Variants in DCP2 observed in about 807,000 individuals in gnomAD.
DCP2 encodes m7GpppN-mRNA hydrolase.
DCP2 carries 30 observed loss-of-function variants against 56.1 expected under a neutral mutation model. The ratio of observed to expected loss-of-function variants is 0.53; its 90% CI spans 0.40 to 0.73. The LOEUF (loss-of-function observed/expected upper bound fraction) is 0.73, where lower values mean the gene tolerates loss of function less well. DCP2 is among the 30% of genes least tolerant of loss of function. DCP2 has a pLI of 0.00. For missense variants in DCP2, 533 were observed against 502.7 expected (o/e 1.06, Z -0.58); for synonymous variants, 197 against 163.3 (o/e 1.21, Z -1.57).
At chr5:112,992,056 C>G in intron 2 of DCP2, 65 bp from the exon 3 acceptor site, 1 of 1,576,404 alleles carries the variant, frequency 6.3e-7, no homozygotes, top group South Asian at 1.2e-5. Context: ...AAATGGGTCT[C>G]TTTCTGTATA....
chr5:112,987,947 C>T lies in DCP2; in HGVS notation c.205+1961C>T, dbSNP rs764427474. Among the ~76,000 whole-genome samples the T allele has an allele frequency of 2.5e-4, 38 of 152,142 alleles. 1 individual carries two copies. Among genetic ancestry groups the T allele is most frequent in the African/African-American group, 8.7e-4 (36 of 41,536 alleles). On this transcript the variant is annotated intron_variant, in intron 2 of 10. Transcript: ENST00000389063. ...GCCAGGTTATTGTTTTTGACCATGA[C>T]GTGTATGTTTAATGGATTTGTACCC...
intron 1 of DCP2, chr5:112,984,073 A>G (rs969667664): frequency 3.9e-5 from 6 of 152,254 alleles, no homozygotes; most frequent in Admixed American, 2.0e-4. Flanking sequence ...GGCACAGGGA[A>G]CTATAGGATG....
intron 4 of DCP2, 48 bp from the exon 5 acceptor site, chr5:113,001,036 A>G: frequency 6.6e-7 from 1 of 1,524,896 alleles, no homozygotes; most frequent in Non-Finnish European, 8.8e-7. Flanking sequence ...AATGAACTAG[A>G]GGCCTAAGAA....
intron 1 of DCP2, chr5:112,984,703 A>AAAAAT: frequency 1.5e-5 from 1 of 64,852 alleles, no homozygotes; most frequent in African/African-American, 7.9e-5. Context: ...AAAAAAAAAA[A>AAAAAT]ATATATATAT....
intron 7 of DCP2, among the ~76,000 whole-genome samples, chr5:113,003,063 T>A (rs1362304452): frequency 6.6e-6 from 1 of 152,208 alleles, no homozygotes; most frequent in Non-Finnish European, 1.5e-5. Context: ...ATTTCTTAAA[T>A]CAGTAGCATT....
In DCP2 at chr5:113,009,856, C is replaced by T. The variant is rs185122377; in HGVS notation, c.1048-900C>T. Among the ~76,000 whole-genome samples the T allele has an allele frequency of 5.0e-4, 76 of 151,622 alleles. 2 individuals carry two copies. The East Asian group carries it at 0.013, about 25-fold the overall frequency. On this transcript the variant is annotated intron_variant, in intron 9 of 10. Coordinates refer to ENST00000389063, the MANE Select transcript of DCP2 (RefSeq NM_152624.6). ...GTTAACACACATCTTCATAGGAAAT[C>T]AGCTAGAAAAATATAATACTAATTA...
At chr5:112,988,493 A>AT (rs1443744530) in intron 2 of DCP2, among the ~76,000 whole-genome samples, 2 of 126,240 alleles carry the variant, frequency 1.6e-5, no homozygotes, top group East Asian at 2.7e-4. Context: ...CTGTGTCTTA[A>AT]TAAAAAAAAA....
intron 4 of DCP2, among the ~76,000 whole-genome samples, chr5:112,997,613 C>CT (rs555386404): frequency 0.01 from 1,411 of 140,822 alleles, 18 homozygotes; most frequent in African/African-American, 0.029. Context: ...TTTTCTTTTT[C>CT]TTTTTTTTTT....
rs1398389551 is a variant in DCP2, at chr5:113,004,090, C to G, written c.942+13C>G. ...TTTAAAAGGAAAGGTGAGTGATACA[C>G]AATTACAGTCTTTTCAGAAATTTAG... is the stretch of plus-strand genomic sequence containing the variant. On this transcript the variant is annotated intron_variant, in intron 8 of 10. Coordinates refer to ENST00000389063, the MANE Select transcript of DCP2 (RefSeq NM_152624.6). 1.2e-6 allele frequency: 2 copies of G among 1,600,294 alleles called. No individual in the cohort carries two copies. Among genetic ancestry groups the G allele is most frequent in the Non-Finnish European group, 8.5e-7 (1 of 1,176,050 alleles).
intron 2 of DCP2, among the ~76,000 whole-genome samples, chr5:112,991,278 G>A (rs942681255): frequency 5.9e-5 from 9 of 152,120 alleles, no homozygotes; most frequent in Non-Finnish European, 1.2e-4. Flanking sequence ...CTCATTTTGA[G>A]AGATACTATC....
At chr5:112,997,711 T>G (rs1748931254) in intron 4 of DCP2, among the ~76,000 whole-genome samples, 1 of 151,468 alleles carries the variant, frequency 6.6e-6, no homozygotes, top group Non-Finnish European at 1.5e-5. Flanking sequence ...GCCTCCCGGG[T>G]TCAAGTGATT....
At position 113,021,437 on chromosome 5, in the gene DCP2, C is replaced by T. The variant is rs1750126744; in HGVS notation, c.*7953C>T. Among the ~76,000 whole-genome samples, 2 of 147,338 alleles carry T rather than the reference C, an allele frequency of 1.4e-5. No homozygotes were observed. The highest frequency in any genetic ancestry group is 3.0e-5 in the Non-Finnish European group (2 of 67,018). ...GAAGAAATATTGTCGAGAGTCTCTGCAAAAATGAAAATACCTCAAACAATT... is the reference window on the plus strand; with the variant it reads ...GAAGAAATATTGTCGAGAGTCTCTGTAAAAATGAAAATACCTCAAACAATT... On this transcript the variant is annotated 3_prime_UTR_variant, in exon 11 of 11. Transcript: ENST00000389063.
At chr5:113,000,992 CTTT>C in intron 4 of DCP2, 89 bp from the exon 5 acceptor site, 4 of 1,258,190 alleles carry the variant, frequency 3.2e-6, no homozygotes, top group Non-Finnish European at 4.4e-6. Context: ...GTCATGTCCC[CTTT>C]TTCTGAGTTT....
In DCP2 at chr5:112,981,491, C is replaced by T. The variant is rs187052318; in HGVS notation, c.54-4344C>T. 2.4e-3 allele frequency among the ~76,000 whole-genome samples: 364 copies of T among 152,118 alleles called. 1 individual carries two copies. Among genetic ancestry groups the T allele is most frequent in the Non-Finnish European group, 3.5e-3 (239 of 68,010 alleles). ...ATTTATATTCTATTTTGTAAATCTA[C>T]GTCTGTTATATTTTGTGCTATTTGT... is the stretch of plus-strand genomic sequence containing the variant. On this transcript the variant is annotated intron_variant, in intron 1 of 10. Transcript: ENST00000389063.
chr5:113,007,099 C>G (rs895973223), intron 8 of DCP2, among the ~76,000 whole-genome samples: 2 of 151,722 alleles, frequency 1.3e-5, no homozygotes, highest in Admixed American at 1.3e-4. Flanking sequence ...GCACTGTGCT[C>G]CGGCCTGGGC....
At position 113,020,672 on chromosome 5, in the gene DCP2, A is replaced by T. The variant is rs567881176; in HGVS notation, c.*7188A>T. On this transcript the variant is annotated 3_prime_UTR_variant, in exon 11 of 11. Coordinates refer to ENST00000389063, the MANE Select transcript of DCP2 (RefSeq NM_152624.6). Reference sequence around the variant, plus strand: ...GATTCATGTTTGTGAATTGGAGTTTAAATGTTTGCAGGATTACTGTACTTC... The same window carrying T: ...GATTCATGTTTGTGAATTGGAGTTTTAATGTTTGCAGGATTACTGTACTTC... 3 of 152,320 alleles carry T rather than the reference A, an allele frequency of 2.0e-5. No individual in the cohort carries two copies. Among genetic ancestry groups the T allele is most frequent in the South Asian group, 4.2e-4 (2 of 4,816 alleles). 9.4% of individuals were successfully genotyped at this position (152,320 alleles called of 1,614,324 possible).
At position 112,992,244 on chromosome 5, in the gene DCP2, A is replaced by T. The variant is rs773936813; in HGVS notation, c.329A>T (p.Glu110Val). 1 of 1,610,216 alleles carries T rather than the reference A, an allele frequency of 6.2e-7. No homozygotes were observed. Among genetic ancestry groups the T allele is most frequent in the South Asian group, 1.1e-5 (1 of 89,802 alleles). Residue 110 changes from glutamate (E) to valine (V), a missense_variant, in exon 3 of 11, where the codon GAA becomes GTA. Glu to Val is a moderately radical substitution (Grantham distance 121). Around this residue, in one of 3 missense-constraint regions of DCP2, gnomAD observed 137 missense variants for 138.2 expected, o/e 0.99. Transcript: ENST00000389063. The stretch of plus-strand genomic sequence containing the variant: ...GCAATTATTCTTGATGAGACACTTG[A>T]AAATGTGAGTGTAATGAAATAAAGA... ...YGAIILDETL[E>V]NVLLVQGYLA...
rs1241481566 is a variant in DCP2 at position 113,001,092 on chromosome 5, A to G, written c.441A>G (p.Glu147=). ...PHDCAAREVF[E]ETGFDIKDYI... ...AAATTTGTTGTTTCCAGGTCTTTGA[A>G]GAAACTGGTTTTGATATCAAAGACT... The change falls in exon 5 of 11, where the codon GAA becomes GAG. Residue 147 remains glutamate, a synonymous_variant. Coordinates refer to ENST00000389063, the MANE Select transcript of DCP2 (RefSeq NM_152624.6). 1 of 1,599,208 alleles carries G rather than the reference A, an allele frequency of 6.3e-7. No homozygotes were observed. Among genetic ancestry groups the G allele is most frequent in the Non-Finnish European group, 8.5e-7 (1 of 1,174,238 alleles).
intron 4 of DCP2, among the ~76,000 whole-genome samples, chr5:113,000,432 A>ACACACAC (rs1749124200): frequency 1.4e-5 from 2 of 143,382 alleles, no homozygotes; most frequent in African/African-American, 5.4e-5. Context: ...ACACCCACAC[A>ACACACAC]CCCTACCTGA....
Sources: allele counts gnomAD v4.1 joint callset (sites outside exome capture counted in the v4.1 genomes callset), GRCh38; gene constraint gnomAD v4.1.1; regional missense constraint gnomAD v4.1.1; transcripts MANE v1.5; gene names NCBI Gene and HGNC (gene_info 2026-07-23, HGNC 2026-07-21).